The following TMEM120B variants were observed in gnomAD, a reference collection of about 807,000 sequenced individuals.
The protein encoded by TMEM120B is transmembrane protein 120B.
TMEM120B carries 31 observed loss-of-function variants against 55.5 expected under a neutral mutation model. The ratio of observed to expected loss-of-function variants is 0.56; its 90% confidence interval spans 0.42 to 0.75. The LOEUF is 0.75. TMEM120B is among the 30% of genes least tolerant of loss of function. The pLI is 0.00. For missense variants in TMEM120B, 399 were observed against 425.5 expected, an observed-to-expected ratio of 0.94 and a Z score of 0.55; for synonymous variants, 203 against 176.3, an observed-to-expected ratio of 1.15 and a Z score of -1.20.
In TMEM120B at chr12:121,776,029, C is replaced by G; in HGVS notation, c.*307C>G. 1 of 585,600 alleles carries G rather than the reference C, an allele frequency of 1.7e-6. No individual in the cohort carries two copies. 36.3% of individuals were successfully genotyped at this position (585,600 alleles called of 1,614,324 possible). ...ATGGGGCCTGAAGCCTCAGGGAGCCCCTCTGTTCCCACTCCTGTCATTTGA... is the reference window on the plus strand; with the variant it reads ...ATGGGGCCTGAAGCCTCAGGGAGCCGCTCTGTTCCCACTCCTGTCATTTGA... On this transcript the variant is annotated 3_prime_UTR_variant, in exon 12 of 12. Coordinates refer to ENST00000449592, the MANE Select transcript of TMEM120B (RefSeq NM_001080825.2).
intron 7 of TMEM120B, 41 bp downstream of exon 7, chr12:121,771,013 G>A (rs968150376): frequency 7.5e-6 from 12 of 1,602,364 alleles, no homozygotes; most frequent in African/African-American, 6.7e-5. Context: ...CTCCCAGGGA[G>A]TAGAGCCTGG....
At chr12:121,728,822 A>C (rs1894946271) in intron 1 of TMEM120B, among the ~76,000 whole-genome samples, 1 of 152,208 alleles carries the variant, frequency 6.6e-6, no homozygotes, top group African/African-American at 2.4e-5. Context: ...GTTCATTCTC[A>C]GGCTGGGTCC....
At position 121,774,643 on chromosome 12, in the gene TMEM120B, CCCT is replaced by C. The variant is rs1874176610; in HGVS notation, c.773-10_773-8del. ...ACCCCCTCAGCGGGTCCTTTTTCTT[CCCT>C]CCTCTCCACAGAAGGGTTCCAGTCC... On this transcript the variant is annotated splice_polypyrimidine_tract_variant and intron_variant, in intron 9 of 11. Coordinates refer to ENST00000449592, the MANE Select transcript of TMEM120B (RefSeq NM_001080825.2). The C allele has an allele frequency of 6.2e-7, 1 of 1,612,858 alleles. No homozygotes were observed. The highest frequency in any genetic ancestry group is 8.5e-7 in the Non-Finnish European group (1 of 1,179,306).
intron 3 of TMEM120B, among the ~76,000 whole-genome samples, chr12:121,749,942 A>G (rs1316050745): frequency 9.9e-5 from 15 of 151,552 alleles, no homozygotes; most frequent in Non-Finnish European, 1.5e-5. Context: ...GCAGTGAGCT[A>G]TGATCATACC....
At chr12:121,747,093 G>A (rs146471023) in intron 2 of TMEM120B, among the ~76,000 whole-genome samples, 2 of 152,230 alleles carry the variant, frequency 1.3e-5, no homozygotes, top group Non-Finnish European at 2.9e-5. Flanking sequence ...CCAGGCTATT[G>A]TCTGTGAGGT....
In TMEM120B at chr12:121,770,404, C is replaced by T. The variant is rs561386988; in HGVS notation, c.552-503C>T. 6.6e-5 allele frequency among the ~76,000 whole-genome samples: 10 copies of T among 152,208 alleles called. No individual in the cohort carries two copies. In the South Asian group the frequency reaches 2.1e-3, roughly 32 times the overall value. On this transcript the variant is annotated intron_variant, in intron 6 of 11. Transcript: ENST00000449592. ...CCCTGTCTTCAAATACAGTCACGGA[C>T]GTTCTAAGGTGCTGGGGGGCTCAGC...
intron 1 of TMEM120B, 62 bp from the exon 2 acceptor site, chr12:121,743,562 AAAAAG>A (rs1219687623): frequency 1.5e-6 from 2 of 1,320,800 alleles, no homozygotes; most frequent in South Asian, 1.3e-5. Flanking sequence ...TCTCAAAAAA[AAAAAG>A]AAAAGAAAAT....
chr12:121,775,909 T>C lies in TMEM120B; in HGVS notation c.*187T>C. 1.5e-6 allele frequency: 1 copy of C among 654,784 alleles called. No homozygotes were observed. The highest frequency in any genetic ancestry group is 2.7e-5 in the East Asian group (1 of 36,478). 40.6% of individuals were successfully genotyped at this position (654,784 alleles called of 1,614,324 possible). ...CGCACAGTGTCCGCCCACCTATTTATGACATATTTAATGCTGGGTCCCCCA... is the reference window on the plus strand; with the variant it reads ...CGCACAGTGTCCGCCCACCTATTTACGACATATTTAATGCTGGGTCCCCCA... On this transcript the variant is annotated 3_prime_UTR_variant, in exon 12 of 12. Coordinates refer to ENST00000449592, the MANE Select transcript of TMEM120B (RefSeq NM_001080825.2). This position sits in a 1 kb window ranked among gnomAD's most constrained non-coding sequence, Gnocchi z 4.3.
intron 7 of TMEM120B, among the ~76,000 whole-genome samples, chr12:121,771,187 G>A (rs905894704): frequency 6.6e-6 from 1 of 152,304 alleles, no homozygotes; most frequent in Middle Eastern, 3.4e-3. Context: ...CCTGGCCAGG[G>A]CAGAGGTAGC....
intron 6 of TMEM120B, among the ~76,000 whole-genome samples, chr12:121,763,955 C>G (rs559113042): frequency 6.6e-6 from 1 of 152,258 alleles, no homozygotes; most frequent in East Asian, 1.9e-4. Context: ...GAGCCCCCCT[C>G]CTGCCTGGCC....
chr12:121,735,837 C>A (rs1336109356), intron 1 of TMEM120B, among the ~76,000 whole-genome samples: 1 of 152,010 alleles, frequency 6.6e-6, no homozygotes, highest in East Asian at 1.9e-4. Context: ...ATTACAGGCG[C>A]ATACCACCAC....
rs1393701435 is a variant in TMEM120B, at chr12:121,780,707, G to A, written c.*4985G>A. 6.6e-6 allele frequency: 5 copies of A among 759,264 alleles called. No individual in the cohort carries two copies. In the African/African-American group the frequency reaches 7.1e-5, roughly 11 times the overall value. 47.0% of individuals were successfully genotyped at this position (759,264 alleles called of 1,614,324 possible). A position where few individuals can be genotyped will look rare whatever the true frequency, so the allele number is the denominator to read the frequency against. On this transcript the variant is annotated 3_prime_UTR_variant, in exon 12 of 12. Coordinates refer to ENST00000449592, the MANE Select transcript of TMEM120B (RefSeq NM_001080825.2). ...TAAGGATTGGGAGTAGTCGTGTAAAGTGCTCAGGTCCACAGGCCATCAATA... is the reference window on the plus strand; with the variant it reads ...TAAGGATTGGGAGTAGTCGTGTAAAATGCTCAGGTCCACAGGCCATCAATA...
At chr12:121,774,945 C>G in intron 10 of TMEM120B, 117 bp from the exon 11 acceptor site, 1 of 1,194,338 alleles carries the variant, frequency 8.4e-7, no homozygotes, top group Non-Finnish European at 1.2e-6. Flanking sequence ...GGGTGTCTGT[C>G]AGTGTTGTGG....
chr12:121,730,580 G>A (rs1032680427), intron 1 of TMEM120B, among the ~76,000 whole-genome samples: 4 of 150,024 alleles, frequency 2.7e-5, no homozygotes, highest in Non-Finnish European at 5.9e-5. Flanking sequence ...CAATCCAGGA[G>A]GCGGAGGTTT....
intron 1 of TMEM120B, among the ~76,000 whole-genome samples, chr12:121,714,045 C>A (rs1894649152): frequency 6.6e-6 from 1 of 152,064 alleles, no homozygotes; most frequent in Non-Finnish European, 1.5e-5. Context: ...GTTGTAGATT[C>A]TGATCAATAG....
rs796087296 is a variant in TMEM120B at position 121,747,298 on chromosome 12, G to A, written c.189-1028G>A. On this transcript the variant is annotated intron_variant, in intron 2 of 11. Coordinates refer to ENST00000449592, the MANE Select transcript of TMEM120B (RefSeq NM_001080825.2). ...GGGTAGAAGGCGGGAGGCTGGGGTA[G>A]AAGGCGGGAGGCACTGGGGTAGAAG... 8.5e-3 allele frequency among the ~76,000 whole-genome samples: 336 copies of A among 39,528 alleles called. 90 individuals carry two copies. Among genetic ancestry groups the A allele is most frequent in the African/African-American group, 0.033 (300 of 9,224 alleles). 25.9% of individuals were successfully genotyped at this position (39,528 alleles called of 152,430 possible). A position where few individuals can be genotyped will look rare whatever the true frequency, so the allele number is the denominator to read the frequency against.
At chr12:121,727,891 AAG>A (rs386377985) in intron 1 of TMEM120B, among the ~76,000 whole-genome samples, 2 of 151,388 alleles carry the variant, frequency 1.3e-5, no homozygotes, top group Non-Finnish European at 1.5e-5. Flanking sequence ...AAAAAAAAAA[AAG>A]AGATTGGTAA....
In TMEM120B at chr12:121,757,438, T is replaced by C. The variant is rs1873513526; in HGVS notation, c.462-4211T>C. 1.3e-5 allele frequency among the ~76,000 whole-genome samples: 2 copies of C among 151,774 alleles called. 1 individual carries two copies. The highest frequency in any genetic ancestry group is 4.8e-5 in the African/African-American group (2 of 41,368). ...CTCACTGCAAGCTCCGCCTCCCGGG[T>C]TCACACCATTCTCCTGCCTCAGCCT... On this transcript the variant is annotated intron_variant, in intron 5 of 11. Coordinates refer to ENST00000449592, the MANE Select transcript of TMEM120B (RefSeq NM_001080825.2).
At chr12:121,724,103 T>G (rs1046037473) in intron 1 of TMEM120B, among the ~76,000 whole-genome samples, 10 of 135,004 alleles carry the variant, frequency 7.4e-5, no homozygotes, top group Non-Finnish European at 1.2e-4. Context: ...AGTGGCACGA[T>G]CTCCACTCAC....
Sources: gnomAD v4.1 joint callset for allele counts (sites outside exome capture counted in the v4.1 genomes callset) on GRCh38, gnomAD v4.1.1 for gene constraint, Gnocchi (gnomAD v3.1) non-coding constraint, MANE v1.5 for transcripts, NCBI Gene and HGNC (gene_info 2026-07-23, HGNC 2026-07-21) for gene names.